The following C17orf75 variants were observed in gnomAD, a reference collection of about 807,000 sequenced individuals.
The protein encoded by C17orf75 is chromosome 17 open reading frame 75, also known as protein Njmu-R1.
Under a neutral mutation model 49.6 loss-of-function variants are expected in C17orf75, and 32 were observed. The ratio of observed to expected loss-of-function variants is 0.65; its 90% confidence interval spans 0.49 to 0.87. The LOEUF (loss-of-function observed/expected upper bound fraction) is 0.87. C17orf75 is among the 40% of genes least tolerant of loss of function. The pLI, the probability that C17orf75 is intolerant of heterozygous loss-of-function variation, is 0.00. For missense variants in C17orf75, 428 were observed against 473.9 expected, an observed-to-expected ratio of 0.90 and a Z score of 0.90; for synonymous variants, 158 against 159.5, an observed-to-expected ratio of 0.99 and a Z score of 0.07.
At chr17:32,349,701 A>T (rs1483739406) in intron 1 of C17orf75, among the ~76,000 whole-genome samples, 3 of 152,150 alleles carry the variant, frequency 2.0e-5, no homozygotes, top group African/African-American at 7.2e-5. Flanking sequence ...CATTTCCCTC[A>T]ACGCCGCACT....
chr17:32,342,046 G>T lies in C17orf75; in HGVS notation c.94C>A (p.Pro32Thr). The change falls in exon 1 of 10, where the codon CCG becomes ACG. Residue 32 changes from proline (P) to threonine (T), a missense_variant. Coordinates refer to ENST00000577809, the MANE Select transcript of C17orf75 (RefSeq NM_022344.4). ...AGACAGTAGTGGCTGCTGGACGGCG[G>T]CTCGAGTCTCCGCTCCTCGGCTGAG... is the stretch of plus-strand genomic sequence containing the variant. ...GGSAEERRLEPPSSSHYCLYS... is the reference protein window; with the variant it reads ...GGSAEERRLETPSSSHYCLYS... 6.4e-7 allele frequency: 1 copy of T among 1,553,686 alleles called. No homozygotes were observed.
intron 5 of C17orf75, among the ~76,000 whole-genome samples, chr17:32,337,538 C>G (rs1304651211): frequency 6.6e-6 from 1 of 152,050 alleles, no homozygotes; most frequent in Non-Finnish European, 1.5e-5. Context: ...TTGTGTCTAC[C>G]TATATGATTT....
At chr17:32,335,199 G>C in intron 6 of C17orf75, 124 bp downstream of exon 6, 2 of 1,212,246 alleles carry the variant, frequency 1.6e-6, no homozygotes, top group East Asian at 2.4e-5. Context: ...GGTCTATCTT[G>C]ATAGCAAGCA....
Position 32,342,130 on chromosome 17 carries a change from AG to A in C17orf75, c.9del (p.Ser4LeufsTer13). On this transcript the variant is annotated frameshift_variant, in exon 1 of 10. Coordinates refer to ENST00000577809, the MANE Select transcript of C17orf75 (RefSeq NM_022344.4). LOFTEE classifies it high-confidence loss of function. MLPSLQESMDGDE... is the reference protein window; with the variant it reads MLXSLQESMDGDE... Reference sequence around the variant, plus strand: ...TCTCCATCCATCGACTCCTGCAAAGAGGGGAGCATTGCGGCGGCCTCTGAGC... The same window carrying A: ...TCTCCATCCATCGACTCCTGCAAAGAGGGAGCATTGCGGCGGCCTCTGAGC... 1 of 1,599,802 alleles carries A rather than the reference AG, an allele frequency of 6.3e-7. No individual in the cohort carries two copies. The highest frequency in any genetic ancestry group is 8.5e-7 in the Non-Finnish European group (1 of 1,173,984).
intron 1 of C17orf75, among the ~76,000 whole-genome samples, chr17:32,348,227 T>C (rs2041442115): frequency 6.6e-6 from 1 of 152,082 alleles, no homozygotes; most frequent in Non-Finnish European, 1.5e-5. Context: ...TTCACCATGT[T>C]GGCCAGGCTG....
chr17:32,348,679 G>A (rs1203607862), intron 1 of C17orf75, among the ~76,000 whole-genome samples: 1 of 152,140 alleles, frequency 6.6e-6, no homozygotes, highest in African/African-American at 2.4e-5. Context: ...ATGAACCCAA[G>A]CACTGGACTT....
At chr17:32,334,347 GTTTGAGATAACCATGTAAAAC>G in intron 8 of C17orf75, 101 bp downstream of exon 8, 1 of 1,275,518 alleles carries the variant, frequency 7.8e-7, no homozygotes, top group East Asian at 2.7e-5. Context: ...GTTTCTCATG[GTTTGAGATAACCATGTAAAAC>G]TGCACAAGGC....
At chr17:32,332,438 A>G (rs908819762) in intron 9 of C17orf75, among the ~76,000 whole-genome samples, 6 of 152,188 alleles carry the variant, frequency 3.9e-5, no homozygotes, top group South Asian at 2.1e-4. Flanking sequence ...CACCACGCGC[A>G]GCCAAAAATC....
Position 32,335,344 on chromosome 17 carries a change from C to T in C17orf75, c.648G>A (p.Lys216=), listed in dbSNP as rs1195424473. Residue 216 remains lysine (K), a synonymous_variant, in exon 6 of 10, where the codon AAG becomes AAA. Transcript: ENST00000577809. ...IQRVVLLFQE[K]LTFLLHAALS... ...TTACAGCATGTAGCAGAAAGGTAAG[C>T]TTTTCCTGAAAGAGAAGAACAACCC... 18 of 1,613,766 alleles carry T rather than the reference C, an allele frequency of 1.1e-5. No homozygotes were observed. Among genetic ancestry groups the T allele is most frequent in the Non-Finnish European group, 1.4e-5 (17 of 1,179,836 alleles).
At chr17:32,343,900 A>C, upstream of C17orf75, 1 of 680,810 alleles carries the variant, frequency 1.5e-6, no homozygotes. Context: ...TGAGGATGGT[A>C]GAAAAACTCA....
chr17:32,338,108 C>A lies in C17orf75; in HGVS notation c.491+100G>T, dbSNP rs573209749. The A allele has an allele frequency of 8.0e-5, 124 of 1,542,504 alleles. 2 individuals carry two copies. The African/African-American group carries it at 1.6e-3, about 20-fold the overall frequency. ...AAGGTATGAAATTCAACTAAATACA[C>A]GAGGAGTAGAAAAGCTTTTTGGAGG... is the stretch of plus-strand genomic sequence containing the variant. On this transcript the variant is annotated intron_variant, in intron 4 of 9. Transcript: ENST00000577809.
rs999458713 is a variant in C17orf75 at position 32,340,588 on chromosome 17, T to C, written c.221+616A>G. 4.0e-5 allele frequency among the ~76,000 whole-genome samples: 6 copies of C among 150,038 alleles called. No homozygotes were observed. The East Asian group carries it at 1.2e-3, about 29-fold the overall frequency. ...TGAACCCGGGAGGCAGAGCTTGCAG[T>C]GAGCTGAGATCGCACCACTGCACTC... is the stretch of plus-strand genomic sequence containing the variant. On this transcript the variant is annotated intron_variant, in intron 2 of 9. Coordinates refer to ENST00000577809, the MANE Select transcript of C17orf75 (RefSeq NM_022344.4).
In C17orf75 at chr17:32,329,197, G is replaced by C. The variant is rs1056885246; in HGVS notation, c.*2566C>G. On this transcript the variant is annotated 3_prime_UTR_variant, in exon 10 of 10. Coordinates refer to ENST00000577809, the MANE Select transcript of C17orf75 (RefSeq NM_022344.4). ...TTCTCCTGCCTCAGCCTCCCGAGTA[G>C]CTGGAACTACAGACGCCTGCCACCA... is the stretch of plus-strand genomic sequence containing the variant. 6 of 152,046 alleles carry C rather than the reference G, an allele frequency of 3.9e-5. No homozygotes were observed. Among genetic ancestry groups the C allele is most frequent in the Non-Finnish European group, 8.8e-5 (6 of 68,134 alleles). 9.4% of individuals were successfully genotyped at this position (152,046 alleles called of 1,614,324 possible). A position where few individuals can be genotyped will look rare whatever the true frequency, so the allele number is the denominator to read the frequency against.
chr17:32,333,302 A>G, intron 9 of C17orf75, 115 bp downstream of exon 9: 1 of 726,170 alleles, frequency 1.4e-6, no homozygotes, highest in Non-Finnish European at 2.3e-6. Context: ...AGTTTTGAGA[A>G]CATCCTAATT....
At chr17:32,348,309 C>T (rs945170828) in intron 1 of C17orf75, among the ~76,000 whole-genome samples, 3 of 152,128 alleles carry the variant, frequency 2.0e-5, no homozygotes, top group African/African-American at 7.2e-5. Context: ...AGGTGTGAGC[C>T]ACTGCGCACA....
upstream of C17orf75, chr17:32,342,295 G>T: frequency 2.4e-6 from 3 of 1,262,160 alleles, no homozygotes; most frequent in Non-Finnish European, 3.1e-6. Context: ...TGGAAAGGGA[G>T]TCTCTTCTCC....
intron 4 of C17orf75, 99 bp downstream of exon 4, chr17:32,338,109 G>C (rs1055620539): frequency 6.5e-7 from 1 of 1,542,962 alleles, no homozygotes; most frequent in Middle Eastern, 1.7e-4. Flanking sequence ...CTAAATACAC[G>C]AGGAGTAGAA....
In C17orf75 at chr17:32,341,220, A is replaced by G; in HGVS notation, c.205T>C (p.Ser69Pro). 1 of 1,613,928 alleles carries G rather than the reference A, an allele frequency of 6.2e-7. No individual in the cohort carries two copies. The change falls in exon 2 of 10, where the codon TCT becomes CCT. Residue 69 changes from serine (S) to proline (P), a missense_variant. Coordinates refer to ENST00000577809, the MANE Select transcript of C17orf75 (RefSeq NM_022344.4). ...SPSGTNAETP[S>P]GDDFSLSLAD... ...TCTTTTTACCTGAAATCATCACCAG[A>G]GGGAGTTTCTGCATTTGTGCCACTT...
Position 32,342,045 on chromosome 17 carries a change from G to T in C17orf75, c.95C>A (p.Pro32Gln). ...GGSAEERRLE[P>Q]PSSSHYCLYS... ...AAGACAGTAGTGGCTGCTGGACGGC[G>T]GCTCGAGTCTCCGCTCCTCGGCTGA... The change falls in exon 1 of 10, where the codon CCG becomes CAG. Residue 32 changes from proline to glutamine, a missense_variant. Coordinates refer to ENST00000577809, the MANE Select transcript of C17orf75 (RefSeq NM_022344.4). The T allele has an allele frequency of 6.4e-7, 1 of 1,553,140 alleles. No individual in the cohort carries two copies. Among genetic ancestry groups the T allele is most frequent in the Non-Finnish European group, 8.7e-7 (1 of 1,150,626 alleles).
Sources: allele counts gnomAD v4.1 joint callset (sites outside exome capture counted in the v4.1 genomes callset), GRCh38; gene constraint gnomAD v4.1.1; transcripts MANE v1.5; gene names NCBI Gene and HGNC (gene_info 2026-07-23, HGNC 2026-07-21).